VASH2: variants seen among roughly 807,000 people sequenced by gnomAD.
VASH2 encodes vasohibin 2, also known as tubulinyl-Tyr carboxypeptidase 2.
A neutral mutation model predicts 37.2 loss-of-function variants in VASH2; 28 were observed. The observed-to-expected ratio is 0.75, with a 90% CI of 0.56 to 1.03. VASH2 has a LOEUF of 1.03. Among genes scored for constraint, VASH2 ranks in the 50% least tolerant of loss-of-function variants. The probability of loss-of-function intolerance (pLI) is 0.00; values close to 1 mark genes in which losing one functional copy is unlikely to be tolerated. For missense variants in VASH2, 419 were observed against 459.1 expected, an observed-to-expected ratio of 0.91 and a Z score of 0.80; for synonymous variants, 188 against 174.7, an observed-to-expected ratio of 1.08 and a Z score of -0.60.
intron 5 of VASH2, 97 bp downstream of exon 5, chr1:212,966,442 T>C (rs909136236): frequency 9.8e-7 from 1 of 1,015,976 alleles, no homozygotes; most frequent in African/African-American, 1.6e-5. Context: ...TCAGAGATGA[T>C]GCCCATTATC....
At chr1:212,973,642 C>A (rs1295193978) in intron 6 of VASH2, 36 of 1,230,888 alleles carry the variant, frequency 2.9e-5, no homozygotes, top group Non-Finnish European at 3.6e-5. Flanking sequence ...AGGAGAGGAA[C>A]TTGCCAAGCA....
In VASH2 at chr1:212,961,172, A is replaced by G. The variant is rs368019092; in HGVS notation, c.283A>G (p.Ile95Val). 35 of 1,614,022 alleles carry G rather than the reference A, an allele frequency of 2.2e-5. No individual in the cohort carries two copies. Among genetic ancestry groups the G allele is most frequent in the Non-Finnish European group, 2.9e-5 (34 of 1,180,026 alleles). ...CTTCTCTATTTTTCTGCAGCCTTCA[A>G]TACCCCAGGTCCCAAACTACAGGCT... The part of the protein sequence containing the change: ...RNAAFLAKPS[I>V]PQVPNYRLSM... Residue 95 changes from isoleucine (I) to valine (V), a missense_variant, in exon 3 of 8, where the codon ATA (isoleucine) becomes GTA (valine). By Grantham distance (29) the Ile-to-Val change is conservative (BLOSUM62 3). Coordinates refer to ENST00000517399, the MANE Select transcript of VASH2 (RefSeq NM_001301056.2).
At chr1:212,979,986 G>A (rs1203481849) in intron 7 of VASH2, among the ~76,000 whole-genome samples, 2 of 152,206 alleles carry the variant, frequency 1.3e-5, no homozygotes, top group African/African-American at 4.8e-5. Flanking sequence ...GTCAGCTCTG[G>A]GAGAGGAGGG....
At chr1:212,961,044 T>C in intron 2 of VASH2, 122 bp from the exon 3 acceptor site, 1 of 895,650 alleles carries the variant, frequency 1.1e-6, no homozygotes, top group Admixed American at 2.0e-5. Flanking sequence ...AGGGTGACCA[T>C]GCTGCCATCG....
At chr1:212,988,431 G>T in intron 7 of VASH2, 81 bp from the exon 8 acceptor site, 1 of 1,432,796 alleles carries the variant, frequency 7.0e-7, no homozygotes, top group South Asian at 1.2e-5. Flanking sequence ...TAGGAAAACC[G>T]AGTAGAGGAC....
At chr1:212,985,981 GTT>G (rs538304398) in intron 7 of VASH2, among the ~76,000 whole-genome samples, 27 of 152,140 alleles carry the variant, frequency 1.8e-4, no homozygotes, top group Non-Finnish European at 3.5e-4. Flanking sequence ...GGAGACGGGT[GTT>G]TTATACTAAA....
At position 212,951,385 on chromosome 1, in the gene VASH2, C is replaced by T. The variant is rs777615465; in HGVS notation, c.-158C>T. On this transcript the variant is annotated 5_prime_UTR_variant, in exon 2 of 8. Coordinates refer to ENST00000517399, the MANE Select transcript of VASH2 (RefSeq NM_001301056.2). This position sits in a 1 kb window ranked among gnomAD's most constrained non-coding sequence, Gnocchi z 4.4. Reference sequence around the variant, plus strand: ...CCTCCGCGGAGCTCCCGCCGCCGCTCCCCCTTGGTGAGTCCTGCCGCAGCG... The same window carrying T: ...CCTCCGCGGAGCTCCCGCCGCCGCTTCCCCTTGGTGAGTCCTGCCGCAGCG... 31 of 255,344 alleles carry T rather than the reference C, an allele frequency of 1.2e-4. No individual in the cohort carries two copies. Among genetic ancestry groups the T allele is most frequent in the South Asian group, 1.3e-4 (1 of 7,614 alleles). 15.8% of individuals were successfully genotyped at this position (255,344 alleles called of 1,614,324 possible).
At chr1:212,955,175 G>C (rs1392446408) in intron 2 of VASH2, among the ~76,000 whole-genome samples, 1 of 152,178 alleles carries the variant, frequency 6.6e-6, no homozygotes, top group Non-Finnish European at 1.5e-5. Context: ...GCTTCAGGGG[G>C]ATTAACCATT....
intron 2 of VASH2, among the ~76,000 whole-genome samples, chr1:212,958,881 T>TTTTCTTTC (rs142734232): frequency 2.6e-5 from 4 of 151,744 alleles, no homozygotes; most frequent in African/African-American, 9.7e-5. Context: ...GCTCGGCTAA[T>TTTTCTTTC]TTTCTTTCTT....
At chr1:212,968,211 C>G in intron 5 of VASH2, 1 of 985,272 alleles carries the variant, frequency 1.0e-6, no homozygotes, top group South Asian at 4.7e-5. Flanking sequence ...AATTTAGGAG[C>G]TGTGATTAGG....
In VASH2 at chr1:212,966,343, C is replaced by A; in HGVS notation, c.495C>A (p.Gly165=). ...AATGCCTTGAAGCTGTCATCCTGGG[C>A]ATGTATCCTTTAAGTTATGTATGCT... ...PIKCLEAVIL[G]IYLTNGQPSI... The change falls in exon 5 of 8, where the codon GGC becomes GGA. Residue 165 remains glycine, a splice_region_variant and synonymous_variant. Transcript: ENST00000517399. 1 of 1,551,540 alleles carries A rather than the reference C, an allele frequency of 6.4e-7. No homozygotes were observed. Among genetic ancestry groups the A allele is most frequent in the Non-Finnish European group, 8.7e-7 (1 of 1,146,852 alleles).
At position 212,989,435 on chromosome 1, in the gene VASH2, CCT is replaced by C. The variant is rs1256677150; in HGVS notation, c.*854_*855del. ...TACAAATTTAGCGGTACTGGATTTA[CCT>C]CTGACATTAACACACTCAGGCAGAG... On this transcript the variant is annotated 3_prime_UTR_variant, in exon 8 of 8. Transcript: ENST00000517399. The C allele has an allele frequency of 2.6e-5, 4 of 152,120 alleles. No homozygotes were observed. The highest frequency in any genetic ancestry group is 4.4e-5 in the Non-Finnish European group (3 of 68,044). 9.4% of individuals were successfully genotyped at this position (152,120 alleles called of 1,614,324 possible).
chr1:212,969,182 C>T lies in VASH2; in HGVS notation c.497+2837C>T, dbSNP rs116561904. 3,404 of 982,036 alleles carry T rather than the reference C, an allele frequency of 3.5e-3. 10 individuals are homozygous for T. Among genetic ancestry groups the T allele is most frequent in the Non-Finnish European group, 3.6e-3 (3,004 of 829,434 alleles). The allele number at this position is 982,036 out of a possible 1,614,324, so 60.8% of individuals were successfully genotyped here. A position where few individuals can be genotyped will look rare whatever the true frequency, so the allele number is the denominator to read the frequency against. On this transcript the variant is annotated intron_variant, in intron 5 of 7. Transcript: ENST00000517399. ...TGCACACAGACAGGAAACACAGATCCGAATTCTTCTTCTTTTTTTTTTTTT... is the reference window on the plus strand; with the variant it reads ...TGCACACAGACAGGAAACACAGATCTGAATTCTTCTTCTTTTTTTTTTTTT...
chr1:212,954,973 T>C (rs919521271), intron 2 of VASH2, among the ~76,000 whole-genome samples: 5 of 152,106 alleles, frequency 3.3e-5, no homozygotes, highest in Non-Finnish European at 7.4e-5. Flanking sequence ...GGCCTTAACA[T>C]GGGAAGAGCC....
chr1:212,956,957 A>AC (rs1461282104), intron 2 of VASH2, among the ~76,000 whole-genome samples: 1 of 152,116 alleles, frequency 6.6e-6, no homozygotes. Context: ...AGCCATCACC[A>AC]CCATCCATCT....
chr1:212,959,570 T>C (rs1666607680), intron 2 of VASH2, among the ~76,000 whole-genome samples: 1 of 152,156 alleles, frequency 6.6e-6, no homozygotes, highest in Non-Finnish European at 1.5e-5. Flanking sequence ...AAGAGAGAAT[T>C]GAGGCAGTGA....
chr1:212,959,003 A>G (rs1477447594), intron 2 of VASH2, among the ~76,000 whole-genome samples: 2 of 152,028 alleles, frequency 1.3e-5, no homozygotes, highest in Non-Finnish European at 2.9e-5. Context: ...CGCTGGGATT[A>G]CAGGCGTCAG....
chr1:212,984,833 A>C (rs1667432758), intron 7 of VASH2, among the ~76,000 whole-genome samples: 1 of 152,144 alleles, frequency 6.6e-6, no homozygotes, highest in South Asian at 2.1e-4. Flanking sequence ...AGGGAAGAAG[A>C]CTGACTCCTA....
intron 7 of VASH2, among the ~76,000 whole-genome samples, chr1:212,975,419 G>T (rs1667143068): frequency 6.6e-6 from 1 of 152,200 alleles, no homozygotes; most frequent in South Asian, 2.1e-4. Context: ...AGCAAGAGAG[G>T]CTGAAGATGA....
Sources: gnomAD v4.1 joint callset for allele counts (sites outside exome capture counted in the v4.1 genomes callset) on GRCh38, gnomAD v4.1.1 for gene constraint, Gnocchi (gnomAD v3.1) non-coding constraint, MANE v1.5 for transcripts, NCBI Gene and HGNC (gene_info 2026-07-23, HGNC 2026-07-21) for gene names.